Variants in KCNJ15 observed in about 807,000 individuals in gnomAD.
KCNJ15 encodes potassium inwardly rectifying channel subfamily J member 15, also known as ATP-sensitive inward rectifier potassium channel 15.
KCNJ15 carries 14 observed loss-of-function variants against 23.0 expected under a neutral mutation model. The ratio of observed to expected loss-of-function variants is 0.61; its 90% CI spans 0.40 to 0.95. KCNJ15 has a LOEUF of 0.95. Ranked by LOEUF, KCNJ15 falls within the 40% of genes least tolerant of loss-of-function variation. KCNJ15 has a pLI of 0.00. For missense variants in KCNJ15, 388 were observed against 461.8 expected (o/e 0.84, Z 1.46); for synonymous variants, 185 against 183.2 (o/e 1.01, Z -0.08).
At chr21:38,237,606 C>CG (rs995272484) in intron 1 of KCNJ15, among the ~76,000 whole-genome samples, 13 of 152,000 alleles carry the variant, frequency 8.6e-5, no homozygotes, top group East Asian at 3.9e-4. Flanking sequence ...TGGAGGTGAG[C>CG]GGGGGGGCAG....
At chr21:38,291,022 A>ACG (rs1370541148) in intron 1 of KCNJ15, among the ~76,000 whole-genome samples, 1 of 149,358 alleles carries the variant, frequency 6.7e-6, no homozygotes, top group Non-Finnish European at 1.5e-5. Context: ...ACACACACAC[A>ACG]CACGTATATA....
chr21:38,255,628 G>A (rs1468914257), upstream of KCNJ15, among the ~76,000 whole-genome samples: 1 of 152,156 alleles, frequency 6.6e-6, no homozygotes, highest in Non-Finnish European at 1.5e-5. Flanking sequence ...AAACAGAAAT[G>A]GAATGATTTA....
chr21:38,230,192 A>G (rs1988693904), intron 1 of KCNJ15, among the ~76,000 whole-genome samples: 1 of 151,926 alleles, frequency 6.6e-6, no homozygotes, highest in African/African-American at 2.4e-5. Flanking sequence ...AACACATGTT[A>G]TTATCTGTCT....
chr21:38,298,747 C>T (rs962157115), intron 2 of KCNJ15, among the ~76,000 whole-genome samples: 14 of 152,152 alleles, frequency 9.2e-5, no homozygotes, highest in African/African-American at 3.4e-4. Context: ...ACTGGACTTA[C>T]ACTCAGTCAA....
intron 1 of KCNJ15, among the ~76,000 whole-genome samples, chr21:38,265,780 T>C (rs1210925620): frequency 1.3e-5 from 2 of 152,192 alleles, no homozygotes; most frequent in African/African-American, 4.8e-5. Context: ...CAAGAAAGGC[T>C]GCAGTGTCCA....
rs1986025220 is a variant in KCNJ15 at position 38,305,458 on chromosome 21, G to A, written c.*5069G>A. On this transcript the variant is annotated 3_prime_UTR_variant, in exon 3 of 3. Transcript: ENST00000398938. ...AATAGCTAATAAAAATTACAAGAAA[G>A]GATGGTGGAAGTCAAAGGACAGAAC... 1.3e-5 allele frequency: 2 copies of A among 152,170 alleles called. No individual in the cohort carries two copies. Among genetic ancestry groups the A allele is most frequent in the Non-Finnish European group, 2.9e-5 (2 of 68,028 alleles). 9.4% of individuals were successfully genotyped at this position (152,170 alleles called of 1,614,324 possible). A position where few individuals can be genotyped will look rare whatever the true frequency, so the allele number is the denominator to read the frequency against.
intron 1 of KCNJ15, among the ~76,000 whole-genome samples, chr21:38,287,099 T>A (rs1191814153): frequency 6.6e-6 from 1 of 152,218 alleles, no homozygotes; most frequent in Non-Finnish European, 1.5e-5. Flanking sequence ...TTTATCTGTT[T>A]AAACACTTTA....
intron 1 of KCNJ15, among the ~76,000 whole-genome samples, chr21:38,273,659 A>T (rs2123654554): frequency 6.6e-6 from 1 of 152,374 alleles, no homozygotes; most frequent in Middle Eastern, 3.4e-3. Flanking sequence ...ATGGTCCATA[A>T]AACTAATAGC....
At chr21:38,261,700 A>G (rs951701053) in intron 1 of KCNJ15, among the ~76,000 whole-genome samples, 2 of 152,158 alleles carry the variant, frequency 1.3e-5, no homozygotes, top group African/African-American at 2.4e-5. Flanking sequence ...TGCTTTTCCT[A>G]TGGTAGAATA....
intron 1 of KCNJ15, among the ~76,000 whole-genome samples, chr21:38,269,711 C>T (rs1203501433): frequency 1.3e-5 from 2 of 152,136 alleles, no homozygotes; most frequent in Non-Finnish European, 2.9e-5. Context: ...AGTGCTTAAG[C>T]TGGTGTGGAG....
intron 1 of KCNJ15, among the ~76,000 whole-genome samples, chr21:38,235,430 T>C (rs796680757): frequency 2.0e-5 from 3 of 152,196 alleles, no homozygotes; most frequent in African/African-American, 7.2e-5. Context: ...GGCACGCGCC[T>C]GTAATCCCAG....
rs147610710 is a variant in KCNJ15 at position 38,246,622 on chromosome 21, G to T, written c.-398-10424G>T. 2.4e-3 allele frequency among the ~76,000 whole-genome samples: 361 copies of T among 152,240 alleles called. 2 individuals carry two copies. Among genetic ancestry groups the T allele is most frequent in the African/African-American group, 8.4e-3 (351 of 41,544 alleles). On this transcript the variant is annotated intron_variant, in intron 1 of 4. Transcript: ENST00000547341. The stretch of plus-strand genomic sequence containing the variant: ...CAAAGTCTGAATCTCTCCAATGCTT[G>T]ATTTTAATTTTTAAAAAAGAGGAAC...
chr21:38,260,174 G>A (rs1183743999), intron 1 of KCNJ15, among the ~76,000 whole-genome samples: 1 of 70,426 alleles, frequency 1.4e-5, no homozygotes, highest in Admixed American at 1.0e-4. Flanking sequence ...TTACTCTGTT[G>A]AAATGAAAGA....
intron 1 of KCNJ15, among the ~76,000 whole-genome samples, chr21:38,291,423 C>T (rs1569013829): frequency 6.6e-6 from 1 of 152,144 alleles, no homozygotes; most frequent in Non-Finnish European, 1.5e-5. Context: ...CAACTTTTTG[C>T]CAAGACATTA....
rs1985766954 is a variant in KCNJ15 at position 38,301,360 on chromosome 21, A to T, written c.*971A>T. On this transcript the variant is annotated 3_prime_UTR_variant, in exon 3 of 3. Transcript: ENST00000398938. ...TGGCATCCAGACCTGGCCTCTCTTC[A>T]TTTCATTATTATTGGCCAATATTTC... 6.0e-6 allele frequency: 1 copy of T among 167,056 alleles called. No homozygotes were observed. Among genetic ancestry groups the T allele is most frequent in the Non-Finnish European group, 1.5e-5 (1 of 68,112 alleles). The allele number at this position is 167,056 out of a possible 1,614,324, so 10.3% of individuals were successfully genotyped here.
At chr21:38,287,306 G>C (rs1984013799) in intron 1 of KCNJ15, among the ~76,000 whole-genome samples, 1 of 152,174 alleles carries the variant, frequency 6.6e-6, no homozygotes, top group South Asian at 2.1e-4. Context: ...TTAGTACTGG[G>C]AAAATCTGGA....
Position 38,306,256 on chromosome 21 carries a change from C to T in KCNJ15, c.*5867C>T, listed in dbSNP as rs1986051015. On this transcript the variant is annotated 3_prime_UTR_variant, in exon 3 of 3. Transcript: ENST00000398938. ...TTATCTGGTGTCCATGCCTTCCCAC[C>T]TACTTAAAATTTCAAATTTCACCCT... 6.6e-6 allele frequency: 1 copy of T among 151,944 alleles called. No individual in the cohort carries two copies. Among genetic ancestry groups the T allele is most frequent in the Admixed American group, 6.6e-5 (1 of 15,256 alleles). The allele number at this position is 151,944 out of a possible 1,614,324, so 9.4% of individuals were successfully genotyped here. A position where few individuals can be genotyped will look rare whatever the true frequency, so the allele number is the denominator to read the frequency against.
chr21:38,285,513 G>A (rs562568871), intron 1 of KCNJ15: 2 of 152,230 alleles, frequency 1.3e-5, no homozygotes, highest in East Asian at 1.9e-4. Context: ...TAATCTTTAC[G>A]CTATACTGCC....
At position 38,288,029 on chromosome 21, in the gene KCNJ15, TG is replaced by T. The variant is rs1297019979; in HGVS notation, c.-116-8896del. ...TTGTTAAATAACTTGTTTTTTTCTT[TG>T]TTTTTTTTTTTTTTTTTTTTTTTTT... On this transcript the variant is annotated intron_variant, in intron 1 of 2. Coordinates refer to ENST00000398938, the MANE Select transcript of KCNJ15 (RefSeq NM_170736.3). 1.5e-3 allele frequency among the ~76,000 whole-genome samples: 121 copies of T among 80,244 alleles called. 28 individuals carry two copies. The highest frequency in any genetic ancestry group is 1.9e-3 in the African/African-American group (44 of 23,550). 52.6% of individuals were successfully genotyped at this position (80,244 alleles called of 152,430 possible).
Sources: allele counts gnomAD v4.1 joint callset (sites outside exome capture counted in the v4.1 genomes callset), GRCh38; gene constraint gnomAD v4.1.1; transcripts MANE v1.5; gene names NCBI Gene and HGNC (gene_info 2026-07-23, HGNC 2026-07-21).